The following CLDN10 variants were observed in gnomAD, a reference collection of about 807,000 sequenced individuals.
CLDN10 encodes the protein claudin 10, also known as claudin-10.
CLDN10 carries 15 observed loss-of-function variants against 22.9 expected under a neutral mutation model. The ratio of observed to expected loss-of-function variants is 0.65; its 90% CI spans 0.44 to 1.01. The LOEUF is 1.01. Among genes scored for constraint, CLDN10 ranks in the 50% least tolerant of loss-of-function variants. The probability of loss-of-function intolerance (pLI) is 0.00; values close to 1 mark genes in which losing one functional copy is unlikely to be tolerated. For missense variants in CLDN10, 247 were observed against 287.8 expected (o/e 0.86, Z 1.03); for synonymous variants, 114 against 111.4 (o/e 1.02, Z -0.15).
intron 1 of CLDN10, among the ~76,000 whole-genome samples, chr13:95,440,357 T>A (rs2042313098): frequency 6.6e-6 from 1 of 152,218 alleles, no homozygotes; most frequent in Non-Finnish European, 1.5e-5. Context: ...TTATGCTATG[T>A]CCCAAATGCA....
At chr13:95,491,800 C>T (rs1019262086) in intron 1 of CLDN10, among the ~76,000 whole-genome samples, 17 of 152,128 alleles carry the variant, frequency 1.1e-4, no homozygotes, top group Non-Finnish European at 2.5e-4. Flanking sequence ...TAGGCTCTGT[C>T]AGAGGGAAGG....
intron 1 of CLDN10, among the ~76,000 whole-genome samples, chr13:95,558,315 T>G (rs1282044167): frequency 6.6e-6 from 1 of 152,162 alleles, no homozygotes; most frequent in Non-Finnish European, 1.5e-5. Flanking sequence ...GGACTGAAGT[T>G]TAAAATACAG....
At chr13:95,548,251 T>C (rs1364678873), upstream of CLDN10, among the ~76,000 whole-genome samples, 1 of 152,138 alleles carries the variant, frequency 6.6e-6, no homozygotes, top group African/African-American at 2.4e-5. Flanking sequence ...GCTCGAAGGG[T>C]ATTCCTGCTG....
chr13:95,480,512 T>C (rs944644607), intron 1 of CLDN10, among the ~76,000 whole-genome samples: 13 of 152,208 alleles, frequency 8.5e-5, no homozygotes, highest in Non-Finnish European at 1.8e-4. Flanking sequence ...TCCCCTGAGC[T>C]GGCTGGTTCC....
chr13:95,487,997 T>C (rs140400680), intron 1 of CLDN10, among the ~76,000 whole-genome samples: 5 of 147,538 alleles, frequency 3.4e-5, no homozygotes, highest in Admixed American at 6.7e-5. Context: ...TTCTTTTCTC[T>C]TTTTTTGAGA....
intron 1 of CLDN10, among the ~76,000 whole-genome samples, chr13:95,534,541 CA>C (rs1002373727): frequency 3.8e-4 from 57 of 148,972 alleles, no homozygotes; most frequent in East Asian, 7.8e-4. Context: ...GTTAAAAATT[CA>C]AAAAAAAATC....
intron 1 of CLDN10, among the ~76,000 whole-genome samples, chr13:95,440,911 G>A (rs779614638): frequency 6.6e-6 from 1 of 152,230 alleles, no homozygotes; most frequent in Non-Finnish European, 1.5e-5. Flanking sequence ...AGCAGCGGAC[G>A]ACTGGACTGG....
intron 1 of CLDN10, among the ~76,000 whole-genome samples, chr13:95,522,304 GT>G (rs2043231491): frequency 6.6e-6 from 1 of 151,744 alleles, no homozygotes; most frequent in African/African-American, 2.4e-5. Context: ...CATTCCACAA[GT>G]TTTAATGTCT....
At chr13:95,547,297 C>T (rs1328378976) in intron 1 of CLDN10, among the ~76,000 whole-genome samples, 1 of 152,124 alleles carries the variant, frequency 6.6e-6, no homozygotes, top group Admixed American at 6.6e-5. Context: ...CCTGGTTTCC[C>T]TCCCTCTGCC....
chr13:95,438,977 A>T (rs371101086), intron 1 of CLDN10, among the ~76,000 whole-genome samples: 13 of 50,396 alleles, frequency 2.6e-4, no homozygotes, highest in African/African-American at 8.3e-4. Flanking sequence ...CTCCATCGCA[A>T]AAAAAAAAAA....
chr13:95,434,669 C>T (rs2042249250), intron 1 of CLDN10, among the ~76,000 whole-genome samples: 1 of 151,650 alleles, frequency 6.6e-6, no homozygotes, highest in South Asian at 2.1e-4. Flanking sequence ...ATGTAATATG[C>T]CATTGCTAGA....
chr13:95,511,310 A>G (rs1259440729), intron 1 of CLDN10, among the ~76,000 whole-genome samples: 1 of 152,132 alleles, frequency 6.6e-6, no homozygotes, highest in African/African-American at 2.4e-5. Flanking sequence ...AAAACCTATG[A>G]TAGAATGGCA....
intron 1 of CLDN10, among the ~76,000 whole-genome samples, chr13:95,490,219 A>G (rs750807881): frequency 1.3e-5 from 2 of 152,178 alleles, no homozygotes; most frequent in Non-Finnish European, 1.5e-5. Context: ...TTGGTTCCAC[A>G]TGAATTTTAG....
rs1390977655 is a variant in CLDN10 at position 95,482,325 on chromosome 13, CA to C, written c.214+48281del. Among the ~76,000 whole-genome samples the C allele has an allele frequency of 2.0e-5, 3 of 152,100 alleles. No homozygotes were observed. The South Asian group carries it at 6.2e-4, about 32-fold the overall frequency. On this transcript the variant is annotated intron_variant, in intron 1 of 4. Coordinates refer to the CLDN10 transcript ENST00000376873. ...CTGGATGGGGAGGTTAGATTTGGCC[CA>C]AAGTCTGTAGTTTGTTGACCCCTTC...
At chr13:95,570,022 C>T (rs1199218722) in intron 3 of CLDN10, among the ~76,000 whole-genome samples, 1 of 152,302 alleles carries the variant, frequency 6.6e-6, no homozygotes, top group Non-Finnish European at 1.5e-5. Context: ...TTTTGATTGA[C>T]CCAAGCTTCT....
At chr13:95,456,661 A>G (rs2042484734) in intron 1 of CLDN10, among the ~76,000 whole-genome samples, 1 of 152,106 alleles carries the variant, frequency 6.6e-6, no homozygotes. Context: ...AGAGGTTGAG[A>G]TGGGAGGATT....
At position 95,578,170 on chromosome 13, in the gene CLDN10, A is replaced by T; in HGVS notation, c.*156A>T. On this transcript the variant is annotated 3_prime_UTR_variant, in exon 5 of 5. Transcript: ENST00000299339. ...ATTGTATGGATGTAAGTGTTCTTAC[A>T]TAGTTAGTTATATACTAATCATTTT... 1 of 532,810 alleles carries T rather than the reference A, an allele frequency of 1.9e-6. No homozygotes were observed. Among genetic ancestry groups the T allele is most frequent in the Non-Finnish European group, 3.4e-6 (1 of 298,356 alleles). The allele number at this position is 532,810 out of a possible 1,614,324, so 33.0% of individuals were successfully genotyped here. A position where few individuals can be genotyped will look rare whatever the true frequency, so the allele number is the denominator to read the frequency against.
intron 1 of CLDN10, among the ~76,000 whole-genome samples, chr13:95,439,820 T>C (rs1466532188): frequency 6.6e-6 from 1 of 152,052 alleles, no homozygotes; most frequent in Non-Finnish European, 1.5e-5. Flanking sequence ...TAAATAATAA[T>C]AGTAAATAAA....
chr13:95,563,501 T>G (rs533447519), intron 3 of CLDN10, among the ~76,000 whole-genome samples: 1 of 152,280 alleles, frequency 6.6e-6, no homozygotes, highest in African/African-American at 2.4e-5. Flanking sequence ...TAACAGGCCC[T>G]TTGCATCAAG....
Sources: allele counts gnomAD v4.1 joint callset (sites outside exome capture counted in the v4.1 genomes callset), GRCh38; gene constraint gnomAD v4.1.1; transcripts MANE v1.5; gene names NCBI Gene and HGNC (gene_info 2026-07-23, HGNC 2026-07-21).